The following NCAM2 variants were observed in gnomAD, a reference collection of about 807,000 sequenced individuals.
NCAM2 encodes N-CAM-2.
NCAM2 carries 30 observed loss-of-function variants against 98.1 expected under a neutral mutation model. That is an observed-to-expected ratio of 0.31 (90% CI 0.23 to 0.41). The LOEUF is 0.41. Ranked by LOEUF, NCAM2 falls within the 10% of genes least tolerant of loss-of-function variation. The probability of loss-of-function intolerance (pLI) is 1.00; values close to 1 mark genes in which losing one functional copy is unlikely to be tolerated. For missense variants in NCAM2, 867 were observed against 1,005.8 expected, an observed-to-expected ratio of 0.86 and a Z score of 1.87; for synonymous variants, 368 against 342.4, an observed-to-expected ratio of 1.07 and a Z score of -0.83.
At chr21:21,183,823 A>G (rs2068553591) in intron 1 of NCAM2, among the ~76,000 whole-genome samples, 3 of 152,114 alleles carry the variant, frequency 2.0e-5, no homozygotes, top group Admixed American at 1.3e-4. Flanking sequence ...TGTCACTCCA[A>G]TTTATTATAG....
chr21:21,074,282 AATTTTACATTT>A (rs1428089563), intron 1 of NCAM2, among the ~76,000 whole-genome samples: 1 of 152,002 alleles, frequency 6.6e-6, no homozygotes, highest in African/African-American at 2.4e-5. Flanking sequence ...ATATAAAATA[AATTTTACATTT>A]ATTTTACATT....
intron 1 of NCAM2, among the ~76,000 whole-genome samples, chr21:20,999,087 T>G (rs1027740393): frequency 6.6e-6 from 1 of 152,118 alleles, no homozygotes; most frequent in Admixed American, 6.5e-5. Context: ...GACTCTTTTT[T>G]TTTTCCACCC....
intron 9 of NCAM2, among the ~76,000 whole-genome samples, chr21:21,404,768 GT>G (rs1260858389): frequency 6.6e-6 from 1 of 151,206 alleles, no homozygotes; most frequent in Non-Finnish European, 1.5e-5. Flanking sequence ...TCATATGTGT[GT>G]TTACACATAC....
At chr21:21,007,849 G>A (rs1288421947) in intron 1 of NCAM2, among the ~76,000 whole-genome samples, 4 of 152,096 alleles carry the variant, frequency 2.6e-5, no homozygotes, top group Non-Finnish European at 5.9e-5. Flanking sequence ...TAATCATCTG[G>A]GAATGCAGTC....
In NCAM2 at chr21:21,315,123, ACC is replaced by A. The variant is rs541033947; in HGVS notation, c.620-9259_620-9258del. On this transcript the variant is annotated intron_variant, in intron 5 of 17. Coordinates refer to ENST00000400546, the MANE Select transcript of NCAM2 (RefSeq NM_004540.5). ...TGTTTAGATCAGACAACAAATTCTGACCATCTTTCTTGGTTTTATATTCAGAC... is the reference window on the plus strand; with the variant it reads ...TGTTTAGATCAGACAACAAATTCTGAATCTTTCTTGGTTTTATATTCAGAC... Among the ~76,000 whole-genome samples, 1,095 of 152,162 alleles carry A rather than the reference ACC, an allele frequency of 7.2e-3. 13 individuals are homozygous for A. The highest frequency in any genetic ancestry group is 0.013 in the South Asian group (65 of 4,820).
intron 9 of NCAM2, among the ~76,000 whole-genome samples, chr21:21,401,023 AG>A (rs1278360849): frequency 6.6e-6 from 1 of 152,200 alleles, no homozygotes; most frequent in Non-Finnish European, 1.5e-5. Flanking sequence ...AAAGAAAAAA[AG>A]GCCAAACTTA....
rs183054436 is a variant in NCAM2, at chr21:21,143,435, A to G, written c.56-137143A>G. Among the ~76,000 whole-genome samples, 5 of 152,170 alleles carry G rather than the reference A, an allele frequency of 3.3e-5. No homozygotes were observed. In the East Asian group the frequency reaches 7.7e-4, roughly 24 times the overall value. ...GTGTCCTTTGCCCTGTGAATTTTTA[A>G]TGTAATCAAATGTACCTAATTTCTC... On this transcript the variant is annotated intron_variant, in intron 1 of 17. Transcript: ENST00000400546.
chr21:21,480,216 A>T (rs1469443707), intron 15 of NCAM2, among the ~76,000 whole-genome samples: 1 of 151,842 alleles, frequency 6.6e-6, no homozygotes, highest in Non-Finnish European at 1.5e-5. Flanking sequence ...AATACAAAAA[A>T]ATTAGCTGGG....
intron 12 of NCAM2, among the ~76,000 whole-genome samples, chr21:21,451,272 C>A (rs1292493463): frequency 6.6e-6 from 1 of 152,136 alleles, no homozygotes; most frequent in Non-Finnish European, 1.5e-5. Flanking sequence ...TGTTTTCAAA[C>A]ATCTATAAAT....
intron 10 of NCAM2, among the ~76,000 whole-genome samples, chr21:21,417,204 A>T (rs2077012846): frequency 6.6e-6 from 1 of 152,250 alleles, no homozygotes; most frequent in African/African-American, 2.4e-5. Context: ...ACTTTCTCAT[A>T]TGCATGTAGA....
intron 9 of NCAM2, among the ~76,000 whole-genome samples, chr21:21,394,464 G>A (rs2076452548): frequency 8.4e-6 from 1 of 119,026 alleles, no homozygotes; most frequent in African/African-American, 3.2e-5. Context: ...AATTTAAGGG[G>A]CCAGCTTTTT....
At chr21:21,321,514 T>C (rs1041795954) in intron 5 of NCAM2, among the ~76,000 whole-genome samples, 1 of 152,176 alleles carries the variant, frequency 6.6e-6, no homozygotes, top group African/African-American at 2.4e-5. Flanking sequence ...GTGTATGTCC[T>C]AAGTTTTTTT....
intron 1 of NCAM2, among the ~76,000 whole-genome samples, chr21:21,019,970 G>A (rs1369328187): frequency 6.6e-6 from 1 of 152,066 alleles, no homozygotes; most frequent in African/African-American, 2.4e-5. Flanking sequence ...TTTATTAACT[G>A]ACTAACTGCA....
At chr21:21,211,091 C>T (rs1180643169) in intron 1 of NCAM2, among the ~76,000 whole-genome samples, 1 of 151,486 alleles carries the variant, frequency 6.6e-6, no homozygotes, top group African/African-American at 2.4e-5. Flanking sequence ...TTTTAAGAAT[C>T]TTAAACTCTG....
intron 9 of NCAM2, among the ~76,000 whole-genome samples, chr21:21,380,769 A>G (rs1345899896): frequency 6.6e-6 from 1 of 152,142 alleles, no homozygotes; most frequent in African/African-American, 2.4e-5. Flanking sequence ...TTCTCATGTC[A>G]ACATCTTTAC....
chr21:21,120,741 A>G (rs2066656299), intron 1 of NCAM2, among the ~76,000 whole-genome samples: 1 of 144,628 alleles, frequency 6.9e-6, no homozygotes, highest in South Asian at 2.2e-4. Flanking sequence ...TTTCTTTGAG[A>G]TGGAGTCTCT....
intron 1 of NCAM2, among the ~76,000 whole-genome samples, chr21:21,122,525 A>C (rs2066696752): frequency 1.3e-5 from 2 of 152,124 alleles, no homozygotes; most frequent in Admixed American, 6.5e-5. Flanking sequence ...ATTATTTCTC[A>C]CAATTCTTTG....
chr21:21,499,560 ACAAAATGTTTGTACTTG>A (rs558607323), intron 15 of NCAM2, among the ~76,000 whole-genome samples: 148 of 152,272 alleles, frequency 9.7e-4, no homozygotes, highest in African/African-American at 3.5e-3. Context: ...AAATTTTAAA[ACAAAATGTTTGTACTTG>A]CTAAAATCTA....
intron 8 of NCAM2, among the ~76,000 whole-genome samples, chr21:21,365,620 A>G (rs2075766660): frequency 6.6e-6 from 1 of 152,098 alleles, no homozygotes; most frequent in Non-Finnish European, 1.5e-5. Context: ...ACATGATGGT[A>G]GTAGGCGAGA....
Sources: allele counts gnomAD v4.1 joint callset (sites outside exome capture counted in the v4.1 genomes callset), GRCh38; gene constraint gnomAD v4.1.1; transcripts MANE v1.5; gene names NCBI Gene and HGNC (gene_info 2026-07-23, HGNC 2026-07-21).